The following CECR2 variants were observed in gnomAD, a reference collection of about 807,000 sequenced individuals.
CECR2 encodes chromatin remodeling regulator CECR2.
Under a neutral mutation model 154.5 loss-of-function variants are expected in CECR2, and 30 were observed. That is an observed-to-expected ratio of 0.19 (90% CI 0.15 to 0.26). CECR2 has a LOEUF of 0.26. Ranked by LOEUF, CECR2 falls within the 10% of genes least tolerant of loss-of-function variation. CECR2 has a pLI of 1.00. For missense variants in CECR2, 1,743 were observed against 1,829.3 expected (o/e 0.95, Z 0.86); for synonymous variants, 725 against 683.7 (o/e 1.06, Z -0.94).
chr22:17,449,831 T>G (rs2054740352), intron 1 of CECR2, among the ~76,000 whole-genome samples: 1 of 152,214 alleles, frequency 6.6e-6, no homozygotes, highest in Admixed American at 6.5e-5. Context: ...TGTTCTGTAC[T>G]TCAGTGTCTG....
chr22:17,466,418 C>CT (rs2055033177), intron 1 of CECR2, among the ~76,000 whole-genome samples: 1 of 152,114 alleles, frequency 6.6e-6, no homozygotes, highest in South Asian at 2.1e-4. Context: ...CAAGGTAACT[C>CT]TATTTTGTGA....
At chr22:17,518,550 TCTC>T (rs2056100576) in intron 8 of CECR2, 1 of 278,548 alleles carries the variant, frequency 3.6e-6, no homozygotes, top group East Asian at 9.3e-5. Context: ...ACTTCTAGAA[TCTC>T]CTTCTCTGCA....
rs113161001 is a variant in CECR2, at chr22:17,474,052, T to TG, written c.127-3528dup. On this transcript the variant is annotated intron_variant, in intron 1 of 18. Transcript: ENST00000262608. The stretch of plus-strand genomic sequence containing the variant: ...CTTGGTTTATCCATTTGGTACTAAC[T>TG]GGGGGGGGTTTATAGTTACTAAAGG... 7.1e-3 allele frequency among the ~76,000 whole-genome samples: 1,084 copies of TG among 151,896 alleles called. 13 individuals are homozygous for TG. Among genetic ancestry groups the TG allele is most frequent in the African/African-American group, 0.024 (975 of 41,414 alleles).
chr22:17,419,355 A>G (rs5992045), intron 1 of CECR2: 8,431 of 172,710 alleles, frequency 0.049, 594 homozygotes, highest in East Asian at 0.16. Flanking sequence ...GTGAAGAAGC[A>G]CTGTAAAAGA....
chr22:17,402,112 T>G (rs2053903030), intron 1 of CECR2, among the ~76,000 whole-genome samples: 1 of 152,056 alleles, frequency 6.6e-6, no homozygotes, highest in Non-Finnish European at 1.5e-5. Context: ...GCCTCCCGAG[T>G]AGCTGGGATT....
At chr22:17,436,183 C>G (rs1286363061) in intron 1 of CECR2, among the ~76,000 whole-genome samples, 5 of 152,182 alleles carry the variant, frequency 3.3e-5, no homozygotes, top group South Asian at 4.1e-4. Flanking sequence ...TGGTCTTGAT[C>G]TCCTGATCTC....
At chr22:17,456,736 A>G (rs1317141851) in intron 1 of CECR2, among the ~76,000 whole-genome samples, 2 of 152,224 alleles carry the variant, frequency 1.3e-5, no homozygotes, top group African/African-American at 4.8e-5. Context: ...GCCTTGGGGT[A>G]AAAGTGCCTT....
At chr22:17,524,383 ATTTC>A in intron 9 of CECR2, 112 bp downstream of exon 9, 56 of 666,196 alleles carry the variant, frequency 8.4e-5, no homozygotes, top group African/African-American at 2.1e-4. Flanking sequence ...GTTTCCGGCA[ATTTC>A]TTTTTTTTTT....
At chr22:17,459,428 ACTACGGTTGAGCG>A (rs1269770850) in intron 1 of CECR2, among the ~76,000 whole-genome samples, 1 of 151,672 alleles carries the variant, frequency 6.6e-6, no homozygotes, top group African/African-American at 2.4e-5. Flanking sequence ...AGTAGCTGGG[ACTACGGTTGAGCG>A]CCACAACGCC....
At chr22:17,367,667 G>A (rs1431134332), upstream of CECR2, among the ~76,000 whole-genome samples, 1 of 151,622 alleles carries the variant, frequency 6.6e-6, no homozygotes, top group South Asian at 2.1e-4. Flanking sequence ...GATTACAGGC[G>A]TAAGCCACCG....
intron 9 of CECR2, among the ~76,000 whole-genome samples, chr22:17,529,276 G>C (rs2146982460): frequency 6.6e-6 from 1 of 152,280 alleles, no homozygotes; most frequent in East Asian, 1.9e-4. Flanking sequence ...GCACAGGAAG[G>C]CTGGCTGGAA....
At chr22:17,511,462 G>A (rs113694736) in intron 7 of CECR2, among the ~76,000 whole-genome samples, 3 of 151,790 alleles carry the variant, frequency 2.0e-5, no homozygotes, top group Non-Finnish European at 2.9e-5. Context: ...TCCCAGAGCC[G>A]CCCCTTCAGC....
chr22:17,390,388 A>G (rs1013754171), intron 1 of CECR2, among the ~76,000 whole-genome samples: 1 of 152,190 alleles, frequency 6.6e-6, no homozygotes, highest in Non-Finnish European at 1.5e-5. Context: ...GGTGGTTACT[A>G]ACTTTGATCA....
At chr22:17,446,350 C>T (rs112601268) in intron 1 of CECR2, among the ~76,000 whole-genome samples, 20,695 of 152,120 alleles carry the variant, frequency 0.14, 1,841 homozygotes, top group Non-Finnish European at 0.2. Context: ...TGGTTCCTTC[C>T]GGTGGGTTCT....
chr22:17,467,705 C>CT (rs2055056696), intron 1 of CECR2, among the ~76,000 whole-genome samples: 2 of 152,252 alleles, frequency 1.3e-5, no homozygotes, highest in South Asian at 4.2e-4. Flanking sequence ...TCATTTGAAC[C>CT]TGGGAGGCGG....
At chr22:17,424,186 C>T (rs1348922256) in intron 1 of CECR2, among the ~76,000 whole-genome samples, 1 of 152,028 alleles carries the variant, frequency 6.6e-6, no homozygotes, top group African/African-American at 2.4e-5. Context: ...AATCCTCCTG[C>T]CTCAGCCTCC....
chr22:17,460,407 G>A (rs572428767), intron 1 of CECR2, among the ~76,000 whole-genome samples: 2 of 152,184 alleles, frequency 1.3e-5, no homozygotes, highest in Admixed American at 6.5e-5. Context: ...ACAGGATTTC[G>A]CCATGTTGGC....
In CECR2 at chr22:17,548,751, C is replaced by G. The variant is rs748443337; in HGVS notation, c.3464C>G (p.Pro1155Arg). The change falls in exon 17 of 19, where the codon CCC (proline) becomes CGC (arginine). Residue 1155 changes from proline (P) to arginine (R), a missense_variant. Pro to Arg is a moderately radical substitution (Grantham distance 103). Coordinates refer to ENST00000262608, the MANE Select transcript of CECR2 (RefSeq NM_001290047.2). ...VMGGKSPASH[P>R]QHFPPRGFQS... ...GGAGGGAAGTCCCCAGCATCCCATC[C>G]CCAGCATTTTCCCCCAAGGGGCTTT... 1 of 1,613,768 alleles carries G rather than the reference C, an allele frequency of 6.2e-7. No homozygotes were observed. Among genetic ancestry groups the G allele is most frequent in the Non-Finnish European group, 8.5e-7 (1 of 1,179,844 alleles).
chr22:17,412,353 C>T (rs185513517), intron 1 of CECR2, among the ~76,000 whole-genome samples: 26 of 152,204 alleles, frequency 1.7e-4, no homozygotes, highest in African/African-American at 5.3e-4. Flanking sequence ...CTTACAGTTG[C>T]GCGTCATTTT....
Sources: gnomAD v4.1 joint callset for allele counts (sites outside exome capture counted in the v4.1 genomes callset) on GRCh38, gnomAD v4.1.1 for gene constraint, MANE v1.5 for transcripts, NCBI Gene and HGNC (gene_info 2026-07-23, HGNC 2026-07-21) for gene names.